The following ST14 variants were observed in gnomAD, a reference collection of about 807,000 sequenced individuals.
The protein encoded by ST14 is ST14 transmembrane serine protease matriptase, also known as suppressor of tumorigenicity 14 protein.
A neutral mutation model predicts 96.5 loss-of-function variants in ST14; 40 were observed. That is an observed-to-expected ratio of 0.41 (90% CI 0.32 to 0.54). The LOEUF is 0.54. Among genes scored for constraint, ST14 ranks in the 20% least tolerant of loss-of-function variants. The pLI is 0.17. For missense variants in ST14, 1,066 were observed against 1,188.9 expected (o/e 0.90, Z 1.52); for synonymous variants, 506 against 492.1 (o/e 1.03, Z -0.37).
chr11:130,193,322 C>T (rs1381596367), intron 7 of ST14, among the ~76,000 whole-genome samples: 1 of 152,184 alleles, frequency 6.6e-6, no homozygotes, highest in African/African-American at 2.4e-5. Flanking sequence ...AGCAATTCTC[C>T]TGCCTTGACC....
intron 1 of ST14, among the ~76,000 whole-genome samples, chr11:130,177,418 C>G (rs894393147): frequency 6.6e-6 from 1 of 151,976 alleles, no homozygotes; most frequent in Admixed American, 6.6e-5. Context: ...CAAAAATTAG[C>G]CAGGTGCGGT....
At chr11:130,180,217 C>T (rs893497531) in intron 1 of ST14, among the ~76,000 whole-genome samples, 1 of 152,160 alleles carries the variant, frequency 6.6e-6, no homozygotes, top group Non-Finnish European at 1.5e-5. Context: ...GGTGGCATCG[C>T]CCCTGCCCCT....
intron 11 of ST14, among the ~76,000 whole-genome samples, chr11:130,197,491 C>T (rs1202550269): frequency 6.6e-6 from 1 of 152,282 alleles, no homozygotes; most frequent in Non-Finnish European, 1.5e-5. Context: ...GGGCCTGGCC[C>T]TCAGGGGCAC....
intron 1 of ST14, among the ~76,000 whole-genome samples, chr11:130,169,946 G>A (rs1006282710): frequency 3.3e-5 from 5 of 152,146 alleles, no homozygotes; most frequent in South Asian, 2.1e-4. Context: ...CTCTGAGTCC[G>A]GTGACTTGGG....
chr11:130,183,744 T>C (rs76382599), intron 1 of ST14, among the ~76,000 whole-genome samples: 1 of 152,198 alleles, frequency 6.6e-6, no homozygotes, highest in Non-Finnish European at 1.5e-5. Flanking sequence ...AAGTATTTCA[T>C]ATTTTTGAAG....
chr11:130,209,330 G>A (rs1226257577), intron 17 of ST14, 112 bp from the exon 18 acceptor site: 90 of 1,415,286 alleles, frequency 6.4e-5, no homozygotes, highest in Non-Finnish European at 8.4e-5. Context: ...TGTCAGCCCC[G>A]GGCATCTGGG....
intron 1 of ST14, among the ~76,000 whole-genome samples, chr11:130,185,359 G>A (rs1447678926): frequency 6.6e-6 from 1 of 152,180 alleles, no homozygotes; most frequent in Non-Finnish European, 1.5e-5. Flanking sequence ...TGGTAGACCA[G>A]AGGAAATGAA....
At chr11:130,179,560 A>G (rs1196919018) in intron 1 of ST14, among the ~76,000 whole-genome samples, 1 of 152,084 alleles carries the variant, frequency 6.6e-6, no homozygotes, top group African/African-American at 2.4e-5. Context: ...TCCCGCCCTC[A>G]GGAGCCTGCT....
At chr11:130,208,036 C>T (rs953691842) in intron 16 of ST14, among the ~76,000 whole-genome samples, 5 of 151,870 alleles carry the variant, frequency 3.3e-5, no homozygotes, top group African/African-American at 7.3e-5. Flanking sequence ...ATGCCACCAC[C>T]GCACTCCAGT....
chr11:130,160,150 G>T, intron 1 of ST14, 90 bp downstream of exon 1: 5 of 883,892 alleles, frequency 5.7e-6, no homozygotes, highest in Non-Finnish European at 7.7e-6. Context: ...CTCCCCTGGC[G>T]TGTCCGTCGG....
chr11:130,192,806 G>A (rs577740), intron 7 of ST14, among the ~76,000 whole-genome samples: 126,513 of 152,190 alleles, frequency 0.83, 52,696 homozygotes, highest in East Asian at 0.95. Context: ...TATTATGATG[G>A]TCTTTCCAAA....
Position 130,197,869 on chromosome 11 carries a change from G to A in ST14, c.1383G>A (p.Thr461=), listed in dbSNP as rs583863. 2.8e-5 allele frequency: 45 copies of A among 1,591,196 alleles called. No homozygotes were observed. Among genetic ancestry groups the A allele is most frequent in the East Asian group, 9.1e-5 (4 of 43,940 alleles). The change falls in exon 12 of 19, where the codon ACG becomes ACA. Residue 461 remains threonine (T), a synonymous_variant. Coordinates refer to ENST00000278742, the MANE Select transcript of ST14 (RefSeq NM_021978.4). The part of the protein sequence containing the change: ...DPCPGQFTCR[T]GRCIRKELRC... ...GCCCGGGGCAGTTCACGTGCCGCAC[G>A]GGGCGGTGTATCCGGAAGGAGCTGC...
intron 1 of ST14, among the ~76,000 whole-genome samples, chr11:130,183,423 T>C (rs1228532735): frequency 6.6e-6 from 1 of 152,152 alleles, no homozygotes; most frequent in Non-Finnish European, 1.5e-5. Flanking sequence ...AAATGTCTAG[T>C]TGCAGCTGGG....
chr11:130,191,793 A>T (rs2136213812), intron 7 of ST14, among the ~76,000 whole-genome samples: 1 of 152,002 alleles, frequency 6.6e-6, no homozygotes, highest in African/African-American at 2.4e-5. Context: ...TAATTTCAGT[A>T]GGCTCCGGGG....
rs142074283 is a variant in ST14, at chr11:130,196,853, G to A, written c.1354+153G>A. On this transcript the variant is annotated intron_variant, in intron 11 of 18. Transcript: ENST00000278742. ...TCCCGTAGCTTTGGGAGGAAAACAC[G>A]CTACCTTTGATGCATTAATGAAAGC... is the stretch of plus-strand genomic sequence containing the variant. 3.0e-4 allele frequency: 339 copies of A among 1,137,054 alleles called. 2 individuals carry two copies. The East Asian group carries it at 8.1e-3, about 27-fold the overall frequency. 70.4% of individuals were successfully genotyped at this position (1,137,054 alleles called of 1,614,324 possible).
intron 1 of ST14, among the ~76,000 whole-genome samples, chr11:130,175,494 C>T (rs952310387): frequency 6.6e-6 from 1 of 152,020 alleles, no homozygotes; most frequent in Non-Finnish European, 1.5e-5. Flanking sequence ...ATTCTCCCAC[C>T]TCAGCCTCCC....
intron 1 of ST14, among the ~76,000 whole-genome samples, chr11:130,175,482 T>A (rs1393403940): frequency 1.4e-5 from 2 of 147,986 alleles, no homozygotes; most frequent in East Asian, 2.1e-4. Context: ...CAGGTTCAAG[T>A]GATTCTCCCA....
intron 16 of ST14, among the ~76,000 whole-genome samples, chr11:130,207,174 T>C (rs558413041): frequency 6.6e-6 from 1 of 152,352 alleles, no homozygotes; most frequent in South Asian, 2.1e-4. Flanking sequence ...CAAGGAGCCC[T>C]GGTTCCTTTC....
chr11:130,171,756 C>T lies in ST14; in HGVS notation c.81+11696C>T, dbSNP rs576705131. On this transcript the variant is annotated intron_variant, in intron 1 of 18. Transcript: ENST00000278742. ...CTCAGGAGGCAGAGCCTCGGGCACA[C>T]AGGCTGAAGCCACTCCACAAGTCAG... 1.8e-4 allele frequency among the ~76,000 whole-genome samples: 27 copies of T among 152,362 alleles called. 1 individual carries two copies. The highest frequency in any genetic ancestry group is 3.9e-4 in the Admixed American group (6 of 15,306).
Sources: allele counts gnomAD v4.1 joint callset (sites outside exome capture counted in the v4.1 genomes callset), GRCh38; gene constraint gnomAD v4.1.1; transcripts MANE v1.5; gene names NCBI Gene and HGNC (gene_info 2026-07-23, HGNC 2026-07-21).